RAB1A: variants seen among roughly 807,000 people sequenced by gnomAD.
RAB1A encodes the protein RAB1A, member RAS oncogene family.
A neutral mutation model predicts 26.0 loss-of-function variants in RAB1A; 2 were observed. That is an observed-to-expected ratio of 0.08 (90% CI 0.03 to 0.24). The LOEUF is 0.24. Ranked by LOEUF, RAB1A falls within the 10% of genes least tolerant of loss-of-function variation. The probability of loss-of-function intolerance (pLI) is 1.00; values close to 1 mark genes in which losing one functional copy is unlikely to be tolerated. For missense variants in RAB1A, 100 were observed against 247.0 expected, an observed-to-expected ratio of 0.40 and a Z score of 3.99; for synonymous variants, 84 against 84.9, an observed-to-expected ratio of 0.99 and a Z score of 0.06.
intron 4 of RAB1A, 81 bp from the exon 5 acceptor site, chr2:65,089,151 C>G (rs562805295): frequency 1.0e-4 from 137 of 1,311,372 alleles, no homozygotes; most frequent in Non-Finnish European, 1.4e-4. Context: ...CCTGACCTAA[C>G]AGACAAATAA....
chr2:65,122,091 C>G (rs7565403), intron 1 of RAB1A, among the ~76,000 whole-genome samples: 147,641 of 149,456 alleles, frequency 0.99, 72,933 homozygotes, highest in East Asian at 1. Context: ...GGGAGACAGA[C>G]GTTGCAGTAA....
At position 65,110,601 on chromosome 2, in the gene RAB1A, A is replaced by G. The variant is rs547080385; in HGVS notation, c.24-5795T>C. Among the ~76,000 whole-genome samples the G allele has an allele frequency of 4.6e-5, 7 of 152,238 alleles. No individual in the cohort carries two copies. In the South Asian group the frequency reaches 6.2e-4, roughly 14 times the overall value. ...CAAGTCAATAACACATGCTGAAGAAATGAGAAAAACAGAAAATGACCAGTA... is the reference window on the plus strand; with the variant it reads ...CAAGTCAATAACACATGCTGAAGAAGTGAGAAAAACAGAAAATGACCAGTA... On this transcript the variant is annotated intron_variant, in intron 1 of 5. Transcript: ENST00000409784.
At chr2:65,119,426 GA>G (rs1352008978) in intron 1 of RAB1A, among the ~76,000 whole-genome samples, 1 of 151,698 alleles carries the variant, frequency 6.6e-6, no homozygotes, top group Non-Finnish European at 1.5e-5. Context: ...AGAATCGCTT[GA>G]ACCTGGGAGG....
At chr2:65,096,379 C>T (rs149965448) in intron 3 of RAB1A, among the ~76,000 whole-genome samples, 88 of 152,162 alleles carry the variant, frequency 5.8e-4, no homozygotes, top group African/African-American at 2.0e-3. Context: ...AAAAGAAATT[C>T]CTATTAAAGA....
At chr2:65,100,749 A>T (rs1393891144) in intron 2 of RAB1A, among the ~76,000 whole-genome samples, 2 of 137,016 alleles carry the variant, frequency 1.5e-5, no homozygotes, top group Non-Finnish European at 3.1e-5. Flanking sequence ...ACAGAGCGAG[A>T]CTCCATCTCA....
intron 1 of RAB1A, among the ~76,000 whole-genome samples, chr2:65,113,871 G>A (rs748322052): frequency 1.3e-4 from 20 of 152,286 alleles, no homozygotes; most frequent in Non-Finnish European, 2.4e-4. Flanking sequence ...GGACTATAAT[G>A]GATTGACGGT....
intron 1 of RAB1A, among the ~76,000 whole-genome samples, chr2:65,107,526 G>A (rs1391653959): frequency 2.0e-5 from 3 of 151,980 alleles, no homozygotes; most frequent in Non-Finnish European, 2.9e-5. Flanking sequence ...TCACTCTGTC[G>A]CCCAGGCTGG....
At chr2:65,102,079 T>TG (rs1263920203) in intron 2 of RAB1A, among the ~76,000 whole-genome samples, 2 of 152,106 alleles carry the variant, frequency 1.3e-5, no homozygotes, top group African/African-American at 4.8e-5. Context: ...TTCAACTGAC[T>TG]GCTCATGTAT....
At chr2:65,106,222 T>C (rs1239306165) in intron 1 of RAB1A, among the ~76,000 whole-genome samples, 1 of 152,208 alleles carries the variant, frequency 6.6e-6, no homozygotes. Flanking sequence ...GTTCTATGCA[T>C]TCTTTTAAGC....
chr2:65,100,527 A>G (rs1197376042), intron 2 of RAB1A, among the ~76,000 whole-genome samples: 4 of 152,050 alleles, frequency 2.6e-5, no homozygotes, highest in Non-Finnish European at 5.9e-5. Context: ...TGGGAGGCCA[A>G]GGTGGGAGGC....
chr2:65,099,092 C>T (rs1312918179), intron 2 of RAB1A, among the ~76,000 whole-genome samples: 1 of 152,138 alleles, frequency 6.6e-6, no homozygotes, highest in Non-Finnish European at 1.5e-5. Flanking sequence ...CTGCCTGAGC[C>T]TCTCAAAGTG....
intron 1 of RAB1A, among the ~76,000 whole-genome samples, chr2:65,119,410 G>T (rs1669901328): frequency 6.6e-6 from 1 of 151,798 alleles, no homozygotes; most frequent in South Asian, 2.1e-4. Flanking sequence ...AGGAGGCTGA[G>T]GCAGGAGAAT....
intron 1 of RAB1A, among the ~76,000 whole-genome samples, chr2:65,120,455 C>CAA (rs67617654): frequency 0.026 from 1,413 of 55,366 alleles, 24 homozygotes; most frequent in Non-Finnish European, 0.039. Context: ...CACCTTGTCT[C>CAA]AAAAAAAAAA....
chr2:65,093,683 C>T (rs1460085587), intron 3 of RAB1A, among the ~76,000 whole-genome samples: 7 of 148,000 alleles, frequency 4.7e-5, no homozygotes, highest in South Asian at 2.1e-4. Flanking sequence ...AGTGCAATGG[C>T]GCAATCTTGG....
At chr2:65,096,431 C>T (rs902652122) in intron 3 of RAB1A, among the ~76,000 whole-genome samples, 1 of 152,170 alleles carries the variant, frequency 6.6e-6, no homozygotes, top group Non-Finnish European at 1.5e-5. Context: ...CTATAAGATC[C>T]CTTCCAGCCA....
chr2:65,121,254 A>AAC (rs397741314), intron 1 of RAB1A, among the ~76,000 whole-genome samples: 9 of 150,754 alleles, frequency 6.0e-5, no homozygotes, highest in African/African-American at 2.0e-4. Flanking sequence ...AAAAAAAAAA[A>AAC]CCATAGCCAC....
chr2:65,101,104 CCACTG>C (rs1669415006), intron 2 of RAB1A, among the ~76,000 whole-genome samples: 1 of 151,430 alleles, frequency 6.6e-6, no homozygotes, highest in Non-Finnish European at 1.5e-5. Context: ...TGAGATCATG[CCACTG>C]TACTCCAGCC....
chr2:65,111,674 T>C (rs948186403), intron 1 of RAB1A, among the ~76,000 whole-genome samples: 2 of 152,242 alleles, frequency 1.3e-5, no homozygotes, highest in Admixed American at 1.3e-4. Context: ...AAGATGTTAC[T>C]ATTAGGAAAA....
At chr2:65,129,863 C>T in intron 1 of RAB1A, 30 bp downstream of exon 1, 1 of 1,588,054 alleles carries the variant, frequency 6.3e-7, no homozygotes. Flanking sequence ...GGCCCACGGA[C>T]CCAGCCGACC....
Sources: gnomAD v4.1 joint callset for allele counts (sites outside exome capture counted in the v4.1 genomes callset) on GRCh38, gnomAD v4.1.1 for gene constraint, MANE v1.5 for transcripts, NCBI Gene and HGNC (gene_info 2026-07-23, HGNC 2026-07-21) for gene names.